MCTP1: variants seen among roughly 807,000 people sequenced by gnomAD.
MCTP1 encodes multiple C2 and transmembrane domain containing 1.
A neutral mutation model predicts 120.6 loss-of-function variants in MCTP1; 69 were observed. That is an observed-to-expected ratio of 0.57 (90% CI 0.47 to 0.70). The LOEUF (loss-of-function observed/expected upper bound fraction) is 0.70, where lower values mean the gene tolerates loss of function less well. MCTP1 is among the 30% of genes least tolerant of loss of function. MCTP1 has a pLI of 0.00. For missense variants in MCTP1, 1,203 were observed against 1,248.8 expected (o/e 0.96, Z 0.55); for synonymous variants, 529 against 493.1 (o/e 1.07, Z -0.96).
At chr5:94,805,856 G>A (rs1417491585) in intron 17 of MCTP1, among the ~76,000 whole-genome samples, 2 of 144,656 alleles carry the variant, frequency 1.4e-5, no homozygotes, top group Non-Finnish European at 3.0e-5. Flanking sequence ...CTGTTCCCAC[G>A]AAGCTCCACT....
At chr5:95,048,105 T>C (rs1745014717) in intron 1 of MCTP1, among the ~76,000 whole-genome samples, 1 of 152,330 alleles carries the variant, frequency 6.6e-6, no homozygotes, top group Admixed American at 6.5e-5. Context: ...ATAATTGCTT[T>C]TACTCTCTAA....
intron 1 of MCTP1, among the ~76,000 whole-genome samples, chr5:95,180,480 CAT>C (rs1253375714): frequency 6.6e-6 from 1 of 152,248 alleles, no homozygotes; most frequent in Non-Finnish European, 1.5e-5. Context: ...TCCTTCTTCA[CAT>C]GTTACTAAAA....
At chr5:95,167,108 T>A (rs1328970827) in intron 1 of MCTP1, among the ~76,000 whole-genome samples, 1 of 152,142 alleles carries the variant, frequency 6.6e-6, no homozygotes, top group Admixed American at 6.6e-5. Context: ...GATGTTGCCC[T>A]GTGTCCAAGT....
chr5:95,211,574 G>A (rs544267557), intron 1 of MCTP1, among the ~76,000 whole-genome samples: 3 of 151,996 alleles, frequency 2.0e-5, no homozygotes, highest in Non-Finnish European at 2.9e-5. Context: ...TTATACATTC[G>A]TCTAAATTCT....
intron 1 of MCTP1, among the ~76,000 whole-genome samples, chr5:95,195,683 C>T (rs1256986500): frequency 1.3e-5 from 2 of 151,920 alleles, no homozygotes; most frequent in Non-Finnish European, 2.9e-5. Context: ...AGCTTAGAAT[C>T]TTCAACATAA....
intron 17 of MCTP1, among the ~76,000 whole-genome samples, chr5:94,810,783 T>A (rs913081202): frequency 5.3e-5 from 8 of 152,216 alleles, no homozygotes; most frequent in African/African-American, 1.9e-4. Flanking sequence ...ATCACGACTA[T>A]CTTCCCTGGG....
At chr5:95,028,038 C>A (rs1158789617) in intron 1 of MCTP1, among the ~76,000 whole-genome samples, 1 of 152,194 alleles carries the variant, frequency 6.6e-6, no homozygotes, top group East Asian at 1.9e-4. Context: ...TAGCTCACCA[C>A]TCAAAGGCCA....
chr5:94,932,356 T>C (rs1814974090), intron 5 of MCTP1, among the ~76,000 whole-genome samples: 1 of 151,854 alleles, frequency 6.6e-6, no homozygotes, highest in African/African-American at 2.4e-5. Context: ...AGGTATATAA[T>C]AATTTTTCTC....
chr5:95,098,595 C>A (rs1756459133), intron 1 of MCTP1, among the ~76,000 whole-genome samples: 1 of 151,676 alleles, frequency 6.6e-6, no homozygotes, highest in Non-Finnish European at 1.5e-5. Flanking sequence ...AGGAGAACTA[C>A]AAACCACTGC....
intron 11 of MCTP1, among the ~76,000 whole-genome samples, chr5:94,891,435 C>A (rs1411423350): frequency 6.6e-6 from 1 of 152,112 alleles, no homozygotes; most frequent in Non-Finnish European, 1.5e-5. Context: ...GGTAAGTCTT[C>A]GACCCTAATG....
chr5:95,236,611 T>C (rs755396122), intron 1 of MCTP1, among the ~76,000 whole-genome samples: 10 of 152,162 alleles, frequency 6.6e-5, no homozygotes, highest in Non-Finnish European at 1.3e-4. Flanking sequence ...AAAAAGTCAA[T>C]ATGCAATTTA....
chr5:94,915,935 G>C (rs2153449920), intron 8 of MCTP1, among the ~76,000 whole-genome samples: 1 of 152,238 alleles, frequency 6.6e-6, no homozygotes, highest in East Asian at 1.9e-4. Flanking sequence ...AGCTAAGTGG[G>C]AGGAAGGAGA....
chr5:94,724,371 G>A (rs1457385124), intron 19 of MCTP1, among the ~76,000 whole-genome samples: 4 of 150,842 alleles, frequency 2.7e-5, no homozygotes, highest in Non-Finnish European at 4.4e-5. Flanking sequence ...TCAGCCTCTT[G>A]AGTAGCGGGG....
At chr5:95,099,836 C>T (rs1163117182) in intron 1 of MCTP1, among the ~76,000 whole-genome samples, 116 of 148,510 alleles carry the variant, frequency 7.8e-4, no homozygotes, top group Non-Finnish European at 1.6e-3. Flanking sequence ...ATGTTTATTG[C>T]GGCACTATTC....
chr5:94,708,253 G>T, intron 22 of MCTP1: 1 of 265,288 alleles, frequency 3.8e-6, no homozygotes, highest in Non-Finnish European at 7.1e-6. Context: ...AACTCCAGCT[G>T]AACTAACTTG....
chr5:95,078,413 G>A (rs866423018), intron 1 of MCTP1, among the ~76,000 whole-genome samples: 2 of 152,152 alleles, frequency 1.3e-5, no homozygotes, highest in African/African-American at 4.8e-5. Context: ...GGGAAATCTT[G>A]TTGTATCACC....
intron 2 of MCTP1, among the ~76,000 whole-genome samples, chr5:94,960,638 T>A (rs1457872322): frequency 1.3e-5 from 2 of 152,170 alleles, no homozygotes; most frequent in African/African-American, 4.8e-5. Context: ...AAAGAAGACA[T>A]TGACGTGGCC....
intron 1 of MCTP1, among the ~76,000 whole-genome samples, chr5:95,210,818 G>GTTCCT (rs1752270179): frequency 6.6e-6 from 1 of 152,090 alleles, no homozygotes. Context: ...GGTACCGGTT[G>GTTCCT]TTCCTTTCCA....
chr5:95,169,274 G>A (rs1746882988), intron 1 of MCTP1, among the ~76,000 whole-genome samples: 3 of 152,178 alleles, frequency 2.0e-5, no homozygotes, highest in South Asian at 2.1e-4. Flanking sequence ...TAAGCTTTTC[G>A]ATGTGCTGCT....
Sources: allele counts gnomAD v4.1 joint callset (sites outside exome capture counted in the v4.1 genomes callset), GRCh38; gene constraint gnomAD v4.1.1; transcripts MANE v1.5; gene names NCBI Gene and HGNC (gene_info 2026-07-23, HGNC 2026-07-21).